The following LOXL2 variants were observed in gnomAD, a reference collection of about 807,000 sequenced individuals.
The protein encoded by LOXL2 is lysyl oxidase homolog 2.
Under a neutral mutation model 93.0 loss-of-function variants are expected in LOXL2, and 70 were observed. The observed-to-expected ratio is 0.75, with a 90% CI of 0.62 to 0.92. The LOEUF (loss-of-function observed/expected upper bound fraction) is 0.92, where lower values mean the gene tolerates loss of function less well. LOXL2 is among the 40% of genes least tolerant of loss of function. The pLI is 0.00. For synonymous variants in LOXL2, 438 were observed against 413.2 expected (o/e 1.06, Z -0.73); for missense variants, 973 against 1,054.9 (o/e 0.92, Z 1.08).
chr8:23,375,586 T>C (rs1339311218), intron 1 of LOXL2, among the ~76,000 whole-genome samples: 1 of 152,234 alleles, frequency 6.6e-6, no homozygotes, highest in African/African-American at 2.4e-5. Context: ...GAGCATGGAA[T>C]GTTCTTCCAT....
chr8:23,329,582 T>A (rs1483512180), intron 5 of LOXL2, among the ~76,000 whole-genome samples: 1 of 152,070 alleles, frequency 6.6e-6, no homozygotes. Flanking sequence ...GCTGCATGTA[T>A]GCGTGTGTGT....
At chr8:23,389,289 C>T (rs1804808046) in intron 1 of LOXL2, among the ~76,000 whole-genome samples, 1 of 152,192 alleles carries the variant, frequency 6.6e-6, no homozygotes, top group African/African-American at 2.4e-5. Flanking sequence ...CTCCAAAAAA[C>T]TCTCCAGTAT....
intron 3 of LOXL2, among the ~76,000 whole-genome samples, chr8:23,357,491 A>G (rs900206955): frequency 6.6e-6 from 1 of 152,188 alleles, no homozygotes; most frequent in African/African-American, 2.4e-5. Flanking sequence ...TTCCACAAAC[A>G]GTGTGTGTTA....
intron 3 of LOXL2, among the ~76,000 whole-genome samples, chr8:23,353,964 TTCC>T (rs1304624315): frequency 6.6e-6 from 1 of 152,158 alleles, no homozygotes; most frequent in African/African-American, 2.4e-5. Context: ...GTGATTTTTT[TTCC>T]TCCTCTAGAG....
chr8:23,360,341 C>A, intron 2 of LOXL2, 76 bp from the exon 3 acceptor site: 2 of 1,128,750 alleles, frequency 1.8e-6, no homozygotes, highest in South Asian at 1.5e-5. Context: ...ACCAGTGTCT[C>A]ACATGGAAAG....
intron 3 of LOXL2, among the ~76,000 whole-genome samples, chr8:23,351,578 AATGTT>A (rs1457521955): frequency 6.6e-6 from 1 of 152,250 alleles, no homozygotes; most frequent in Non-Finnish European, 1.5e-5. Flanking sequence ...AAATAAATAG[AATGTT>A]ATGTATTGGT....
In LOXL2 at chr8:23,368,435, C is replaced by T. The variant is rs1450372278; in HGVS notation, c.-83-1G>A. On this transcript the variant is annotated splice_acceptor_variant, in intron 1 of 13. Transcript: ENST00000389131. LOFTEE classifies it low-confidence loss of function (5UTR_SPLICE). Reference sequence around the variant, plus strand: ...GGGGTACAGAAGCAGCAGGAGCTTTCTGGAAGAGAGGAGAGATGCGTTAGG... The same window carrying T: ...GGGGTACAGAAGCAGCAGGAGCTTTTTGGAAGAGAGGAGAGATGCGTTAGG... 8.4e-7 allele frequency: 1 copy of T among 1,188,078 alleles called. No homozygotes were observed. The highest frequency in any genetic ancestry group is 1.5e-5 in the African/African-American group (1 of 67,258). 73.6% of individuals were successfully genotyped at this position (1,188,078 alleles called of 1,614,324 possible). A position where few individuals can be genotyped will look rare whatever the true frequency, so the allele number is the denominator to read the frequency against.
intron 1 of LOXL2, among the ~76,000 whole-genome samples, chr8:23,379,936 ACCCACTGTCCTGAC>A (rs1283063816): frequency 1.3e-5 from 2 of 151,852 alleles, no homozygotes; most frequent in African/African-American, 2.4e-5. Context: ...TGCGGGCTGC[ACCCACTGTCCTGAC>A]CCCACTGTCC....
chr8:23,346,083 T>TAATAAAATAAAATAA (rs10624286), intron 3 of LOXL2, among the ~76,000 whole-genome samples: 1 of 73,984 alleles, frequency 1.4e-5, no homozygotes. Flanking sequence ...TAAAATAAAA[T>TAATAAAATAAAATAA]AATAAAATAA....
rs1416584040 is a variant in LOXL2 at position 23,297,253 on chromosome 8, G to C, written c.*790C>G. ...TGTGATGACACATGGTGCTCAGTGA[G>C]CGCCCTGTCACCCAGGACCCTGGTT... On this transcript the variant is annotated 3_prime_UTR_variant, in exon 14 of 14. Transcript: ENST00000389131. 1 of 152,212 alleles carries C rather than the reference G, an allele frequency of 6.6e-6. No homozygotes were observed. The highest frequency in any genetic ancestry group is 2.4e-5 in the African/African-American group (1 of 41,434). The allele number at this position is 152,212 out of a possible 1,614,324, so 9.4% of individuals were successfully genotyped here. A position where few individuals can be genotyped will look rare whatever the true frequency, so the allele number is the denominator to read the frequency against.
chr8:23,298,792 G>A (rs776554656), intron 13 of LOXL2, 44 bp downstream of exon 13: 9 of 1,253,448 alleles, frequency 7.2e-6, no homozygotes, highest in Middle Eastern at 2.3e-4. Flanking sequence ...AGAAAGTAGG[G>A]CAGCTCCCGC....
At chr8:23,354,740 T>C (rs1359555489) in intron 3 of LOXL2, among the ~76,000 whole-genome samples, 5 of 151,786 alleles carry the variant, frequency 3.3e-5, no homozygotes, top group Admixed American at 2.0e-4. Flanking sequence ...AATCACTTAA[T>C]CCCACTTCCC....
chr8:23,391,403 C>T (rs1033373878), intron 1 of LOXL2, among the ~76,000 whole-genome samples: 1 of 152,034 alleles, frequency 6.6e-6, no homozygotes, highest in African/African-American at 2.4e-5. Flanking sequence ...AGTTAAAGTG[C>T]CCAGTATAGT....
intron 7 of LOXL2, chr8:23,321,870 A>G: frequency 2.2e-6 from 1 of 447,302 alleles, no homozygotes; most frequent in Admixed American, 3.9e-5. Flanking sequence ...GGCAGAGGTG[A>G]GGTAACTCAC....
At chr8:23,376,708 T>C (rs1804598862) in intron 1 of LOXL2, among the ~76,000 whole-genome samples, 2 of 152,238 alleles carry the variant, frequency 1.3e-5, no homozygotes, top group African/African-American at 4.8e-5. Flanking sequence ...TTCTTCTAGA[T>C]TTTCTAGTTT....
intron 4 of LOXL2, among the ~76,000 whole-genome samples, 194 bp downstream of exon 4, chr8:23,340,798 G>T (rs1803869763): frequency 6.6e-6 from 1 of 152,164 alleles, no homozygotes; most frequent in South Asian, 2.1e-4. Flanking sequence ...GTTCCTTAAG[G>T]GTAAGGATGC....
intron 12 of LOXL2, among the ~76,000 whole-genome samples, chr8:23,300,218 C>A (rs1028836630): frequency 1.3e-5 from 2 of 152,222 alleles, no homozygotes; most frequent in African/African-American, 4.8e-5. Context: ...GCCAGTGTTA[C>A]GTGTGGGGTG....
intron 1 of LOXL2, among the ~76,000 whole-genome samples, chr8:23,386,608 C>A (rs1020482908): frequency 3.9e-5 from 6 of 152,056 alleles, no homozygotes; most frequent in African/African-American, 1.4e-4. Context: ...GGTGGAGATA[C>A]CACAGTGGGG....
intron 6 of LOXL2, among the ~76,000 whole-genome samples, chr8:23,324,282 C>A (rs561318733): frequency 6.6e-6 from 1 of 152,168 alleles, no homozygotes; most frequent in East Asian, 1.9e-4. Flanking sequence ...TGTGGCTGAA[C>A]GTCTATGTAA....
Sources: gnomAD v4.1 joint callset for allele counts (sites outside exome capture counted in the v4.1 genomes callset) on GRCh38, gnomAD v4.1.1 for gene constraint, MANE v1.5 for transcripts, NCBI Gene and HGNC (gene_info 2026-07-23, HGNC 2026-07-21) for gene names.